STK24: variants seen among roughly 807,000 people sequenced by gnomAD.
The protein encoded by STK24 is serine/threonine-protein kinase 24.
In STK24, 21 loss-of-function variants were observed where a neutral mutation model predicts 55.6. That is an observed-to-expected ratio of 0.38 (90% CI 0.27 to 0.54). The LOEUF (loss-of-function observed/expected upper bound fraction) is 0.54, where lower values mean the gene tolerates loss of function less well. Ranked by LOEUF, STK24 falls within the 20% of genes least tolerant of loss-of-function variation. STK24 has a pLI of 0.79. For missense variants in STK24, 383 were observed against 538.4 expected (o/e 0.71, Z 2.86); for synonymous variants, 200 against 215.2 (o/e 0.93, Z 0.62).
At chr13:98,463,628 C>T (rs1594577013) in intron 7 of STK24, 63 bp downstream of exon 7, 1 of 1,509,214 alleles carries the variant, frequency 6.6e-7, no homozygotes, top group Non-Finnish European at 8.9e-7. Flanking sequence ...CCACACCAAA[C>T]AGTGACAAAG....
intron 2 of STK24, among the ~76,000 whole-genome samples, chr13:98,507,315 C>T (rs1467832639): frequency 6.6e-6 from 1 of 152,176 alleles, no homozygotes; most frequent in African/African-American, 2.4e-5. Context: ...GCCCTAAATC[C>T]CAGCTCAACA....
chr13:98,495,725 A>G (rs1314409263), intron 2 of STK24, among the ~76,000 whole-genome samples: 1 of 152,222 alleles, frequency 6.6e-6, no homozygotes, highest in African/African-American at 2.4e-5. Flanking sequence ...GATCTTTTAT[A>G]TTATCTTCGG....
Position 98,448,095 on chromosome 13 carries a change from G to C in STK24, c.*5078C>G, listed in dbSNP as rs552672648. On this transcript the variant is annotated 3_prime_UTR_variant, in exon 11 of 11. Coordinates refer to ENST00000539966, the MANE Select transcript of STK24 (RefSeq NM_001032296.4). The stretch of plus-strand genomic sequence containing the variant: ...CCTCAGGAACGCCTGGGTGCTGGCT[G>C]TTCCCTTGCTCTTCTGCTGAAGTGG... 2.8e-6 allele frequency: 2 copies of C among 705,130 alleles called. No homozygotes were observed. Among genetic ancestry groups the C allele is most frequent in the Admixed American group, 2.1e-5 (1 of 47,556 alleles). 43.7% of individuals were successfully genotyped at this position (705,130 alleles called of 1,614,324 possible). A position where few individuals can be genotyped will look rare whatever the true frequency, so the allele number is the denominator to read the frequency against.
At chr13:98,457,652 TAG>T (rs1893524940) in intron 9 of STK24, among the ~76,000 whole-genome samples, 1 of 152,058 alleles carries the variant, frequency 6.6e-6, no homozygotes, top group African/African-American at 2.4e-5. Flanking sequence ...GTATTTTTAA[TAG>T]AGACAGGATT....
At chr13:98,471,611 A>T (rs932222516) in intron 5 of STK24, among the ~76,000 whole-genome samples, 3 of 152,198 alleles carry the variant, frequency 2.0e-5, no homozygotes, top group Non-Finnish European at 2.9e-5. Context: ...GTTAAGACTG[A>T]CATAAGATTC....
intron 2 of STK24, among the ~76,000 whole-genome samples, chr13:98,505,273 C>A (rs1030172940): frequency 4.6e-5 from 7 of 152,240 alleles, no homozygotes; most frequent in Non-Finnish European, 8.8e-5. Flanking sequence ...CAAAAAAGAG[C>A]TGTAGATCCA....
At position 98,446,750 on chromosome 13, in the gene STK24, G is replaced by T; in HGVS notation, c.*6423C>A. 2 of 1,614,160 alleles carry T rather than the reference G, an allele frequency of 1.2e-6. No individual in the cohort carries two copies. The highest frequency in any genetic ancestry group is 1.7e-6 in the Non-Finnish European group (2 of 1,180,034). ...GTCCGAGAACATCCAGAAAGACTAC[G>T]TGTTCAAGCTGCACTTCAAGTCCCA... On this transcript the variant is annotated 3_prime_UTR_variant, in exon 11 of 11. Transcript: ENST00000539966.
In STK24 at chr13:98,447,607, C is replaced by G. The variant is rs999256764; in HGVS notation, c.*5566G>C. 2.0e-5 allele frequency: 3 copies of G among 152,576 alleles called. No homozygotes were observed. The highest frequency in any genetic ancestry group is 7.2e-5 in the African/African-American group (3 of 41,428). 9.5% of individuals were successfully genotyped at this position (152,576 alleles called of 1,614,324 possible). ...CGCAGCAACCCCTCAGTTGGGACAT[C>G]TAAAAATGTCTCCAGACTTTACCAA... On this transcript the variant is annotated 3_prime_UTR_variant, in exon 11 of 11. Transcript: ENST00000539966.
intron 2 of STK24, among the ~76,000 whole-genome samples, chr13:98,485,598 G>A (rs1894774631): frequency 6.6e-6 from 1 of 152,202 alleles, no homozygotes; most frequent in Non-Finnish European, 1.5e-5. Context: ...CTAGTCCCCA[G>A]GCAAGAAGGA....
chr13:98,545,478 C>T (rs1435529152), intron 1 of STK24, among the ~76,000 whole-genome samples: 1 of 152,016 alleles, frequency 6.6e-6, no homozygotes, highest in African/African-American at 2.4e-5. Context: ...ACTAAAAATA[C>T]AAAAAATTAG....
At chr13:98,508,167 G>GAA (rs146171051) in intron 2 of STK24, among the ~76,000 whole-genome samples, 14 of 151,346 alleles carry the variant, frequency 9.3e-5, no homozygotes, top group Non-Finnish European at 1.5e-4. Flanking sequence ...GCTAATAGAA[G>GAA]AAAAAAAATA....
intron 1 of STK24, among the ~76,000 whole-genome samples, chr13:98,521,483 G>A (rs1896257797): frequency 6.6e-6 from 1 of 152,118 alleles, no homozygotes; most frequent in Non-Finnish European, 1.5e-5. Context: ...TTTGGAGCTC[G>A]TGAGCAGCCC....
intron 1 of STK24, among the ~76,000 whole-genome samples, chr13:98,557,603 G>A (rs1325179616): frequency 6.6e-6 from 1 of 152,206 alleles, no homozygotes; most frequent in Non-Finnish European, 1.5e-5. Flanking sequence ...TTCCTTTCCA[G>A]TCTAACCACC....
At chr13:98,524,366 C>T (rs1478953688) in intron 1 of STK24, among the ~76,000 whole-genome samples, 1 of 152,156 alleles carries the variant, frequency 6.6e-6, no homozygotes, top group Admixed American at 6.5e-5. Context: ...TTCGCTCTGC[C>T]TCCTGGAAGG....
intron 2 of STK24, among the ~76,000 whole-genome samples, chr13:98,497,483 G>C (rs1895290854): frequency 6.6e-6 from 1 of 152,178 alleles, no homozygotes; most frequent in African/African-American, 2.4e-5. Flanking sequence ...CAGTGACGAT[G>C]CCCTAGTGAA....
At chr13:98,479,247 C>T (rs1446619696) in intron 3 of STK24, among the ~76,000 whole-genome samples, 3 of 152,168 alleles carry the variant, frequency 2.0e-5, no homozygotes, top group Non-Finnish European at 2.9e-5. Flanking sequence ...GCCCAGCGGC[C>T]TTGGGATCAT....
At chr13:98,465,201 A>T (rs539950393) in intron 6 of STK24, among the ~76,000 whole-genome samples, 1 of 152,370 alleles carries the variant, frequency 6.6e-6, no homozygotes, top group South Asian at 2.1e-4. Context: ...AAATTACAAA[A>T]GCTTGATTAC....
chr13:98,557,359 CT>C (rs1315710319), intron 1 of STK24, among the ~76,000 whole-genome samples: 1 of 152,238 alleles, frequency 6.6e-6, no homozygotes, highest in Non-Finnish European at 1.5e-5. Flanking sequence ...TACATAGGAT[CT>C]TCATCTTCCA....
rs1555298983 is a variant in STK24 at position 98,448,863 on chromosome 13, C to CTGAT, written c.*4306_*4309dup. Reference sequence around the variant, plus strand: ...TAGGAAGTTAGTAGGACTCACTTCTCTGATTAATAAGCAATTTGCAGCACA... The same window carrying CTGAT: ...TAGGAAGTTAGTAGGACTCACTTCTCTGATTGATTAATAAGCAATTTGCAGCACA... On this transcript the variant is annotated 3_prime_UTR_variant, in exon 11 of 11. Transcript: ENST00000539966. 6.6e-6 allele frequency: 1 copy of CTGAT among 152,236 alleles called. No individual in the cohort carries two copies. The highest frequency in any genetic ancestry group is 2.1e-4 in the South Asian group (1 of 4,834). 9.4% of individuals were successfully genotyped at this position (152,236 alleles called of 1,614,324 possible). A position where few individuals can be genotyped will look rare whatever the true frequency, so the allele number is the denominator to read the frequency against.
Sources: allele counts gnomAD v4.1 joint callset (sites outside exome capture counted in the v4.1 genomes callset), GRCh38; gene constraint gnomAD v4.1.1; transcripts MANE v1.5; gene names NCBI Gene and HGNC (gene_info 2026-07-23, HGNC 2026-07-21).